AGAP1: variants seen among roughly 807,000 people sequenced by gnomAD.
AGAP1 encodes the protein ArfGAP with GTPase domain, ankyrin repeat and PH domain 1.
AGAP1 carries 29 observed loss-of-function variants against 105.3 expected under a neutral mutation model. The observed-to-expected ratio is 0.28, with a 90% CI of 0.21 to 0.38. AGAP1 has a LOEUF of 0.38. Ranked by LOEUF, AGAP1 falls within the 10% of genes least tolerant of loss-of-function variation. The pLI is 1.00. For synonymous variants in AGAP1, 509 were observed against 485.9 expected (o/e 1.05, Z -0.63); for missense variants, 998 against 1,165.1 (o/e 0.86, Z 2.09).
chr2:235,597,877 C>G (rs1487862245), intron 1 of AGAP1, among the ~76,000 whole-genome samples: 1 of 84,116 alleles, frequency 1.2e-5, no homozygotes, highest in African/African-American at 5.2e-5. Flanking sequence ...GGAGCGTGCA[C>G]GCGCTCCCGT....
In AGAP1 at chr2:235,866,609, C is replaced by G. The variant is rs1373088666; in HGVS notation, c.1051-16736C>G. 6.6e-6 allele frequency among the ~76,000 whole-genome samples: 1 copy of G among 152,220 alleles called. No homozygotes were observed. Among genetic ancestry groups the G allele is most frequent in the African/African-American group, 2.4e-5 (1 of 41,458 alleles). On this transcript the variant is annotated intron_variant, in intron 9 of 17. Coordinates refer to ENST00000304032, the MANE Select transcript of AGAP1 (RefSeq NM_001037131.3). This position sits in a 1 kb window ranked among gnomAD's most constrained non-coding sequence, Gnocchi z 6.1. ...GTCCTAGAGCAGTGCACAGCCTGTT[C>G]ATGCACCTGTGTGTGTGAGTCAGCT...
Position 235,776,694 on chromosome 2 carries a change from G to A in AGAP1, c.674-21065G>A, listed in dbSNP as rs527742504. ...CCAGAGAGCCTCCTGTGTTGCAGGT[G>A]CTATGCCCTGCAGGGAGCGGAGGGC... On this transcript the variant is annotated intron_variant, in intron 6 of 17. Transcript: ENST00000304032. 7.2e-5 allele frequency among the ~76,000 whole-genome samples: 11 copies of A among 152,316 alleles called. No homozygotes were observed. In the South Asian group the frequency reaches 2.3e-3, roughly 32 times the overall value.
chr2:235,999,164 AT>A (rs2055961827), intron 13 of AGAP1, among the ~76,000 whole-genome samples: 1 of 57,966 alleles, frequency 1.7e-5, no homozygotes, highest in African/African-American at 8.0e-5. Flanking sequence ...GGTGGTGGTG[AT>A]GATGATGATA....
intron 1 of AGAP1, among the ~76,000 whole-genome samples, chr2:235,526,299 G>A (rs977807093): frequency 6.6e-6 from 1 of 152,236 alleles, no homozygotes; most frequent in Non-Finnish European, 1.5e-5. Context: ...TGAATCCAGA[G>A]GCATATCTAG....
chr2:235,802,894 ATGATGGTTGTGATGGTG>A (rs1199980813), intron 8 of AGAP1, among the ~76,000 whole-genome samples: 7 of 108,422 alleles, frequency 6.5e-5, no homozygotes, highest in African/African-American at 1.1e-4. Flanking sequence ...TGTGATGGTG[ATGATGGTTGTGATGGTG>A]TGATGGTTGT....
Position 236,040,920 on chromosome 2 carries a change from G to A in AGAP1, c.1891+79G>A. 1.4e-6 allele frequency: 2 copies of A among 1,421,538 alleles called. No individual in the cohort carries two copies. Among genetic ancestry groups the A allele is most frequent in the Admixed American group, 1.7e-5 (1 of 57,750 alleles). The allele number at this position is 1,421,538 out of a possible 1,614,324, so 88.1% of individuals were successfully genotyped here. A position where few individuals can be genotyped will look rare whatever the true frequency, so the allele number is the denominator to read the frequency against. On this transcript the variant is annotated intron_variant, in intron 15 of 17. Transcript: ENST00000304032. This position sits in a 1 kb window ranked among gnomAD's most constrained non-coding sequence, Gnocchi z 5.6. ...GGTCCCACTAGGCCCGGGTTGCAGGGGACTCACATCTGTCCTGTTTGGCAG... is the reference window on the plus strand; with the variant it reads ...GGTCCCACTAGGCCCGGGTTGCAGGAGACTCACATCTGTCCTGTTTGGCAG...
At position 235,928,171 on chromosome 2, in the gene AGAP1, C is replaced by T. The variant is rs2052545412; in HGVS notation, c.1325-2594C>T. Among the ~76,000 whole-genome samples, 3 of 152,208 alleles carry T rather than the reference C, an allele frequency of 2.0e-5. 1 individual carries two copies. In the South Asian group the frequency reaches 6.2e-4, roughly 32 times the overall value. ...TCCACCTTTGCGGAGTCCTTTCGCC[C>T]ACCATAACAGTGTCAGCAGTGTCTG... is the stretch of plus-strand genomic sequence containing the variant. On this transcript the variant is annotated intron_variant, in intron 11 of 17. Transcript: ENST00000304032.
chr2:236,116,354 G>GTTTTTTTTTTTTT (rs1382491873), intron 16 of AGAP1, among the ~76,000 whole-genome samples: 17 of 90,614 alleles, frequency 1.9e-4, no homozygotes, highest in South Asian at 4.2e-4. Context: ...GGTTAATTAA[G>GTTTTTTTTTTTTT]TTCTTTTTTT....
Position 235,494,663 on chromosome 2 carries a change from G to A in AGAP1, c.-24G>A. ...GGGGCGGCGGCGGCGGGGGGCGCGC[G>A]GCTCCGGGCGCGGCGCCTGCACCAT... On this transcript the variant is annotated 5_prime_UTR_variant, in exon 1 of 18. Transcript: ENST00000304032. 2 of 1,009,448 alleles carry A rather than the reference G, an allele frequency of 2.0e-6. No homozygotes were observed. The highest frequency in any genetic ancestry group is 2.5e-6 in the Non-Finnish European group (2 of 797,858). 62.5% of individuals were successfully genotyped at this position (1,009,448 alleles called of 1,614,324 possible). A position where few individuals can be genotyped will look rare whatever the true frequency, so the allele number is the denominator to read the frequency against.
intron 16 of AGAP1, among the ~76,000 whole-genome samples, chr2:236,112,384 C>T (rs1175375165): frequency 1.3e-5 from 2 of 151,936 alleles, no homozygotes; most frequent in African/African-American, 4.8e-5. Context: ...CCACTGCACT[C>T]CACCCTGGGT....
Position 235,882,489 on chromosome 2 carries a change from GC to G in AGAP1, c.1051-854del, listed in dbSNP as rs1338723129. On this transcript the variant is annotated intron_variant, in intron 9 of 17. Transcript: ENST00000304032. This position sits in a 1 kb window ranked among gnomAD's most constrained non-coding sequence, Gnocchi z 4.6. Reference sequence around the variant, plus strand: ...GATTCCCCCCACGTCTGGTTTGTCTGCCATTTTCTTAAAACAATCGGTACCA... The same window carrying G: ...GATTCCCCCCACGTCTGGTTTGTCTGCATTTTCTTAAAACAATCGGTACCA... 17 of 1,538,424 alleles carry G rather than the reference GC, an allele frequency of 1.1e-5. No homozygotes were observed. The highest frequency in any genetic ancestry group is 6.8e-5 in the Admixed American group (4 of 58,906).
At chr2:235,972,761 G>T (rs1434245699) in intron 13 of AGAP1, among the ~76,000 whole-genome samples, 1 of 152,150 alleles carries the variant, frequency 6.6e-6, no homozygotes, top group Non-Finnish European at 1.5e-5. Flanking sequence ...GAGTGTTCGT[G>T]CCTTTCACAG....
chr2:235,588,131 G>A (rs1340718591), intron 1 of AGAP1, among the ~76,000 whole-genome samples: 1 of 151,932 alleles, frequency 6.6e-6, no homozygotes, highest in African/African-American at 2.4e-5. Flanking sequence ...TCGGGAGACT[G>A]AGGCGGGAGA....
chr2:235,837,212 T>C lies in AGAP1; in HGVS notation c.1050+29881T>C, dbSNP rs911808853. Among the ~76,000 whole-genome samples the C allele has an allele frequency of 2.0e-5, 3 of 152,280 alleles. No individual in the cohort carries two copies. In the East Asian group the frequency reaches 5.8e-4, roughly 29 times the overall value. On this transcript the variant is annotated intron_variant, in intron 9 of 17. Transcript: ENST00000304032. ...GTTGGTCAGGCTGGTCTTGAACTCC[T>C]GACCTCAGGTGATCCGCCCACCTCG...
chr2:235,515,121 C>T (rs985106661), intron 1 of AGAP1, among the ~76,000 whole-genome samples: 11 of 152,130 alleles, frequency 7.2e-5, no homozygotes, highest in African/African-American at 2.7e-4. Flanking sequence ...AACTTGTTTA[C>T]CCTTCAAGCT....
At chr2:235,606,945 G>GAAAAAA (rs5839603) in intron 1 of AGAP1, among the ~76,000 whole-genome samples, 1 of 61,938 alleles carries the variant, frequency 1.6e-5, no homozygotes, top group African/African-American at 6.1e-5. Flanking sequence ...ACTGCCTCTT[G>GAAAAAA]AAAAAAAAAA....
chr2:235,808,617 C>T (rs1236096628), intron 9 of AGAP1, among the ~76,000 whole-genome samples: 5 of 152,130 alleles, frequency 3.3e-5, no homozygotes, highest in East Asian at 1.9e-4. Context: ...CGACCCTGCC[C>T]GGGAGCAAGC....
intron 16 of AGAP1, among the ~76,000 whole-genome samples, chr2:236,116,305 AT>A (rs1037133400): frequency 6.9e-6 from 1 of 145,662 alleles, no homozygotes; most frequent in Non-Finnish European, 1.5e-5. Flanking sequence ...AACAATGCTG[AT>A]TTTTTTTCCA....
In AGAP1 at chr2:236,090,109, G is replaced by A. The variant is rs1170483290; in HGVS notation, c.2115-30083G>A. Among the ~76,000 whole-genome samples the A allele has an allele frequency of 1.3e-5, 2 of 152,186 alleles. No homozygotes were observed. Among genetic ancestry groups the A allele is most frequent in the African/African-American group, 4.8e-5 (2 of 41,444 alleles). On this transcript the variant is annotated intron_variant, in intron 16 of 17. Coordinates refer to ENST00000304032, the MANE Select transcript of AGAP1 (RefSeq NM_001037131.3). This position sits in a 1 kb window ranked among gnomAD's most constrained non-coding sequence, Gnocchi z 4.3. ...CCCACTGCTCTCCTCACCTTGCCCT[G>A]CGCGCCTGAGCCCTTCACAGAGACC...
Sources: gnomAD v4.1 joint callset for allele counts (sites outside exome capture counted in the v4.1 genomes callset) on GRCh38, gnomAD v4.1.1 for gene constraint, Gnocchi (gnomAD v3.1) non-coding constraint, MANE v1.5 for transcripts, NCBI Gene and HGNC (gene_info 2026-07-23, HGNC 2026-07-21) for gene names.